TFAP2D: variants seen among roughly 807,000 people sequenced by gnomAD.
The protein encoded by TFAP2D is transcription factor AP-2 delta.
Under a neutral mutation model 43.6 loss-of-function variants are expected in TFAP2D, and 9 were observed. The observed-to-expected ratio is 0.21, with a 90% CI of 0.12 to 0.36. TFAP2D has a LOEUF of 0.36. TFAP2D is among the 10% of genes least tolerant of loss of function. TFAP2D has a pLI of 1.00. For missense variants in TFAP2D, 513 were observed against 561.4 expected (o/e 0.91, Z 0.87); for synonymous variants, 256 against 224.9 (o/e 1.14, Z -1.24).
At chr6:50,728,386 G>C (rs937339076) in intron 3 of TFAP2D, among the ~76,000 whole-genome samples, 6 of 152,176 alleles carry the variant, frequency 3.9e-5, no homozygotes, top group Admixed American at 2.0e-4. Context: ...ATGAGGAAAA[G>C]ATGGCAGTTT....
intron 1 of TFAP2D, among the ~76,000 whole-genome samples, 195 bp downstream of exon 1, chr6:50,714,289 C>G (rs1768577756): frequency 6.6e-6 from 1 of 151,790 alleles, no homozygotes; most frequent in Non-Finnish European, 1.5e-5. Context: ...CATCTGTCGC[C>G]AGGGAGGGCA....
At chr6:50,730,331 C>T (rs1028741426) in intron 5 of TFAP2D, among the ~76,000 whole-genome samples, 1 of 151,972 alleles carries the variant, frequency 6.6e-6, no homozygotes, top group Non-Finnish European at 1.5e-5. Context: ...TGCTGTGTTC[C>T]CTGATAGTAG....
In TFAP2D at chr6:50,713,908, G is replaced by C; in HGVS notation, c.-148G>C. The C allele has an allele frequency of 7.9e-7, 1 of 1,262,116 alleles. No homozygotes were observed. The highest frequency in any genetic ancestry group is 1.1e-6 in the Non-Finnish European group (1 of 887,810). The allele number at this position is 1,262,116 out of a possible 1,614,324, so 78.2% of individuals were successfully genotyped here. A position where few individuals can be genotyped will look rare whatever the true frequency, so the allele number is the denominator to read the frequency against. ...TACGAGGCAAGGAGCTATCTGATCCGGGCAAAACCATTACAATTTAGATAT... is the reference window on the plus strand; with the variant it reads ...TACGAGGCAAGGAGCTATCTGATCCCGGCAAAACCATTACAATTTAGATAT... On this transcript the variant is annotated 5_prime_UTR_variant, in exon 1 of 8. Transcript: ENST00000008391.
chr6:50,719,157 A>G lies in TFAP2D; in HGVS notation c.598+7A>G, dbSNP rs1768675222. ...GGTGGAGTGATAAGAAGAGGTAAGTAACAAGTAACAACATGTTAACCCTAG... is the reference window on the plus strand; with the variant it reads ...GGTGGAGTGATAAGAAGAGGTAAGTGACAAGTAACAACATGTTAACCCTAG... On this transcript the variant is annotated splice_region_variant and intron_variant, in intron 3 of 7. Transcript: ENST00000008391. 6.2e-7 allele frequency: 1 copy of G among 1,613,090 alleles called. No individual in the cohort carries two copies. Among genetic ancestry groups the G allele is most frequent in the South Asian group, 1.1e-5 (1 of 90,894 alleles).
Position 50,713,998 on chromosome 6 carries a change from T to A in TFAP2D, c.-58T>A. ...AAATACAAGAAGTTTGGATTTTTTT[T>A]TCCCGATTCTTTTTTTGGAGGGGGA... is the stretch of plus-strand genomic sequence containing the variant. On this transcript the variant is annotated 5_prime_UTR_variant, in exon 1 of 8. Coordinates refer to ENST00000008391, the MANE Select transcript of TFAP2D (RefSeq NM_172238.4). The A allele has an allele frequency of 6.2e-7, 1 of 1,607,522 alleles. No homozygotes were observed. Among genetic ancestry groups the A allele is most frequent in the Non-Finnish European group, 8.5e-7 (1 of 1,177,168 alleles).
chr6:50,740,452 GAGATGT>G (rs1769025559), intron 5 of TFAP2D, among the ~76,000 whole-genome samples: 1 of 151,758 alleles, frequency 6.6e-6, no homozygotes, highest in Admixed American at 6.6e-5. Flanking sequence ...TGTTTGTTTT[GAGATGT>G]AGTCTCACTT....
chr6:50,757,325 G>GAT lies in TFAP2D; in HGVS notation c.1139+6010_1139+6011dup, dbSNP rs1247490172. 7.0e-3 allele frequency among the ~76,000 whole-genome samples: 953 copies of GAT among 135,356 alleles called. 14 individuals are homozygous for GAT. Among genetic ancestry groups the GAT allele is most frequent in the African/African-American group, 0.025 (903 of 36,368 alleles). The allele number at this position is 135,356 out of a possible 152,430, so 88.8% of individuals were successfully genotyped here. A position where few individuals can be genotyped will look rare whatever the true frequency, so the allele number is the denominator to read the frequency against. ...CTCTATATTCTCTATATTCTCTATA[G>GAT]ATATATATATCTATATAGAGAATAT... is the stretch of plus-strand genomic sequence containing the variant. On this transcript the variant is annotated intron_variant, in intron 7 of 7. Coordinates refer to ENST00000008391, the MANE Select transcript of TFAP2D (RefSeq NM_172238.4).
At chr6:50,736,519 A>G (rs757545526) in intron 5 of TFAP2D, among the ~76,000 whole-genome samples, 1 of 152,190 alleles carries the variant, frequency 6.6e-6, no homozygotes, top group South Asian at 2.1e-4. Flanking sequence ...ATTGGTTTCA[A>G]TGAACCTAAA....
chr6:50,750,948 T>A (rs1769192422), intron 6 of TFAP2D, among the ~76,000 whole-genome samples: 1 of 152,044 alleles, frequency 6.6e-6, no homozygotes, highest in African/African-American at 2.4e-5. Context: ...TGAATAGTCA[T>A]CTTAAAAATA....
intron 3 of TFAP2D, among the ~76,000 whole-genome samples, chr6:50,726,398 G>A (rs1768808624): frequency 6.6e-6 from 1 of 152,146 alleles, no homozygotes; most frequent in African/African-American, 2.4e-5. Context: ...CAAACGCTCT[G>A]TTCTCTCACT....
intron 6 of TFAP2D, 34 bp from the exon 7 acceptor site, chr6:50,751,177 A>T: frequency 6.8e-7 from 1 of 1,461,698 alleles, no homozygotes. Flanking sequence ...TCAATTTGAA[A>T]ATTTCAATTT....
intron 2 of TFAP2D, chr6:50,717,913 G>A (rs1268906558): frequency 6.6e-6 from 1 of 152,146 alleles, no homozygotes; most frequent in Non-Finnish European, 1.5e-5. Context: ...CATTTCAAAT[G>A]CAACAAATGT....
chr6:50,748,737 T>C (rs1016669274), intron 6 of TFAP2D, among the ~76,000 whole-genome samples: 20 of 151,918 alleles, frequency 1.3e-4, no homozygotes, highest in Admixed American at 6.6e-4. Flanking sequence ...TTTGATTGAA[T>C]TTAGAACTAA....
chr6:50,772,240 A>G (rs1769539064), intron 7 of TFAP2D, among the ~76,000 whole-genome samples: 1 of 146,406 alleles, frequency 6.8e-6, no homozygotes, highest in Admixed American at 6.8e-5. Context: ...GGGGCCTGTC[A>G]TGGGGTGGGC....
At chr6:50,714,904 G>C (rs1489497809) in intron 1 of TFAP2D, among the ~76,000 whole-genome samples, 1 of 152,042 alleles carries the variant, frequency 6.6e-6, no homozygotes, top group Non-Finnish European at 1.5e-5. Flanking sequence ...TCTCTCGACT[G>C]TGAGGACGAG....
At chr6:50,728,379 A>C (rs2114037598) in intron 3 of TFAP2D, among the ~76,000 whole-genome samples, 1 of 152,296 alleles carries the variant, frequency 6.6e-6, no homozygotes. Context: ...CAGATGGATG[A>C]GGAAAAGATG....
At chr6:50,739,373 C>T (rs1769006407) in intron 5 of TFAP2D, among the ~76,000 whole-genome samples, 1 of 152,158 alleles carries the variant, frequency 6.6e-6, no homozygotes, top group African/African-American at 2.4e-5. Flanking sequence ...TTTCCAGCTA[C>T]ATCCATGTCC....
chr6:50,771,348 T>G (rs576668041), intron 7 of TFAP2D, among the ~76,000 whole-genome samples: 1 of 152,318 alleles, frequency 6.6e-6, no homozygotes, highest in East Asian at 1.9e-4. Context: ...TCACTTCTCT[T>G]TATGTTACAT....
chr6:50,745,829 G>A (rs181831353), intron 6 of TFAP2D, among the ~76,000 whole-genome samples: 1 of 151,858 alleles, frequency 6.6e-6, no homozygotes, highest in Non-Finnish European at 1.5e-5. Flanking sequence ...TCTGGAAATT[G>A]TAAAAAGCCC....
Sources: allele counts gnomAD v4.1 joint callset (sites outside exome capture counted in the v4.1 genomes callset), GRCh38; gene constraint gnomAD v4.1.1; transcripts MANE v1.5; gene names NCBI Gene and HGNC (gene_info 2026-07-23, HGNC 2026-07-21).